The following BPTF variants were observed in gnomAD, a reference collection of about 807,000 sequenced individuals.
The protein encoded by BPTF is bromodomain PHD finger transcription factor.
BPTF carries 18 observed loss-of-function variants against 292.5 expected under a neutral mutation model. The observed-to-expected ratio is 0.06, with a 90% CI of 0.04 to 0.09. BPTF has a LOEUF of 0.09. Among genes scored for constraint, BPTF ranks in the 10% least tolerant of loss-of-function variants. The pLI, the probability that BPTF is intolerant of heterozygous loss-of-function variation, is 1.00. For missense variants in BPTF, 2,726 were observed against 3,498.7 expected (o/e 0.78, Z 5.57); for synonymous variants, 1,225 against 1,251.9 (o/e 0.98, Z 0.45).
At position 67,964,822 on chromosome 17, in the gene BPTF, A is replaced by G. The variant is rs1490672291; in HGVS notation, c.8454+418A>G. The stretch of plus-strand genomic sequence containing the variant: ...AGACCATCCTGGCTAACACGGTGAA[A>G]CCCCGTCTCTACTAAAAATACAAAA... On this transcript the variant is annotated intron_variant, in intron 25 of 27. Coordinates refer to ENST00000306378, the MANE Select transcript of BPTF (RefSeq NM_182641.4). Among the ~76,000 whole-genome samples, 2 of 151,290 alleles carry G rather than the reference A, an allele frequency of 1.3e-5. 1 individual carries two copies. Among genetic ancestry groups the G allele is most frequent in the Non-Finnish European group, 2.9e-5 (2 of 67,868 alleles).
chr17:67,874,789 AT>A (rs767362095), intron 3 of BPTF, 27 bp from the exon 4 acceptor site: 5 of 1,500,906 alleles, frequency 3.3e-6, no homozygotes, highest in South Asian at 1.2e-5. Context: ...TATAGGAATA[AT>A]TTTTTTGTTT....
intron 3 of BPTF, among the ~76,000 whole-genome samples, chr17:67,872,578 C>T (rs184322580): frequency 1.0e-3 from 156 of 151,878 alleles, no homozygotes; most frequent in Admixed American, 3.1e-3. Context: ...TGGTGGTATG[C>T]GCCTATAGTC....
chr17:67,964,095 C>T, intron 24 of BPTF, 117 bp from the exon 25 acceptor site: 1 of 1,020,400 alleles, frequency 9.8e-7, no homozygotes. Flanking sequence ...GTATTAAAAC[C>T]ATAATACTAA....
At chr17:67,851,219 C>T (rs144690580) in intron 1 of BPTF, among the ~76,000 whole-genome samples, 2 of 149,408 alleles carry the variant, frequency 1.3e-5, no homozygotes, top group East Asian at 3.9e-4. Context: ...AAGGGGCCTT[C>T]GTGACTGGGC....
chr17:67,947,848 C>G, intron 22 of BPTF, 40 bp downstream of exon 22: 1 of 1,523,922 alleles, frequency 6.6e-7, no homozygotes. Context: ...TCCGTCTCTT[C>G]TCTTTATCGT....
At chr17:67,952,661 A>G (rs75590500) in intron 23 of BPTF, among the ~76,000 whole-genome samples, 2,392 of 152,274 alleles carry the variant, frequency 0.016, 33 homozygotes, top group Non-Finnish European at 0.027. Flanking sequence ...TAATGTTAGC[A>G]TGGCACATTT....
intron 1 of BPTF, 129 bp from the exon 2 acceptor site, chr17:67,853,811 T>G (rs2046323): frequency 0.23 from 161,895 of 709,616 alleles, 23,599 homozygotes; most frequent in East Asian, 0.67. Context: ...TGCTTCTTCG[T>G]ATTATTTTAA....
chr17:67,904,969 T>TA, intron 9 of BPTF, 129 bp downstream of exon 9: 3 of 666,976 alleles, frequency 4.5e-6, no homozygotes, highest in Non-Finnish European at 4.6e-6. Flanking sequence ...GCAGAATTAC[T>TA]AGTTTAGTTT....
intron 2 of BPTF, among the ~76,000 whole-genome samples, chr17:67,865,364 A>C (rs1370260824): frequency 6.6e-6 from 1 of 152,244 alleles, no homozygotes; most frequent in Non-Finnish European, 1.5e-5. Context: ...TTTAACATTT[A>C]TTGATCACTG....
At chr17:67,914,378 A>G (rs1464763480) in intron 11 of BPTF, among the ~76,000 whole-genome samples, 1 of 152,218 alleles carries the variant, frequency 6.6e-6, no homozygotes, top group Non-Finnish European at 1.5e-5. Flanking sequence ...TCATCACTCC[A>G]TTACACATTC....
At chr17:67,952,054 CAAAA>C (rs56099409) in intron 23 of BPTF, among the ~76,000 whole-genome samples, 3 of 71,386 alleles carry the variant, frequency 4.2e-5, no homozygotes, top group Non-Finnish European at 7.5e-5. Context: ...GACTCTGTCT[CAAAA>C]AAAAAAAAAA....
At chr17:67,836,029 T>A (rs1369617549) in intron 1 of BPTF, among the ~76,000 whole-genome samples, 1 of 152,180 alleles carries the variant, frequency 6.6e-6, no homozygotes, top group Non-Finnish European at 1.5e-5. Context: ...GGATTAGGAT[T>A]CAGAGACTTT....
At chr17:67,945,106 G>A (rs2065700849) in intron 20 of BPTF, among the ~76,000 whole-genome samples, 1 of 152,178 alleles carries the variant, frequency 6.6e-6, no homozygotes, top group Non-Finnish European at 1.5e-5. Flanking sequence ...CACCATTACT[G>A]CTTACTGTAG....
chr17:67,938,045 A>T (rs1366957046), intron 18 of BPTF, among the ~76,000 whole-genome samples: 2 of 152,240 alleles, frequency 1.3e-5, no homozygotes, highest in Non-Finnish European at 2.9e-5. Context: ...CCCAGGAGGC[A>T]GAAGTTGCAG....
rs747299865 is a variant in BPTF, at chr17:67,982,629, C to T, written c.*341C>T. The T allele has an allele frequency of 5.1e-6, 1 of 195,914 alleles. No individual in the cohort carries two copies. Among genetic ancestry groups the T allele is most frequent in the Non-Finnish European group, 1.0e-5 (1 of 96,564 alleles). 12.1% of individuals were successfully genotyped at this position (195,914 alleles called of 1,614,324 possible). Reference sequence around the variant, plus strand: ...ACTCCATGGAAATGCCACGTCTGCTCTTCAGTGAAGAAGCTGGTTTAGAGT... The same window carrying T: ...ACTCCATGGAAATGCCACGTCTGCTTTTCAGTGAAGAAGCTGGTTTAGAGT... On this transcript the variant is annotated 3_prime_UTR_variant, in exon 28 of 28. Coordinates refer to ENST00000306378, the MANE Select transcript of BPTF (RefSeq NM_182641.4).
In BPTF at chr17:67,912,889, G is replaced by A; in HGVS notation, c.5005G>A (p.Gly1669Arg). ...AGTGACAGACTCCCTGACCACCACG[G>A]GAGGCACACTGGTTACATCTATGAC... Reference protein sequence around the residue: ...TTVTDSLTTTGGTLVTSMTVS... With the variant: ...TTVTDSLTTTRGTLVTSMTVS... The change falls in exon 11 of 28, where the codon GGA (glycine) becomes AGA (arginine). Residue 1669 changes from glycine (G) to arginine (R), a missense_variant. Transcript: ENST00000306378. 1 of 1,614,058 alleles carries A rather than the reference G, an allele frequency of 6.2e-7. No homozygotes were observed. Among genetic ancestry groups the A allele is most frequent in the South Asian group, 1.1e-5 (1 of 91,074 alleles).
At chr17:67,899,954 A>G (rs1473914137) in intron 7 of BPTF, among the ~76,000 whole-genome samples, 1 of 152,208 alleles carries the variant, frequency 6.6e-6, no homozygotes, top group African/African-American at 2.4e-5. Context: ...TTGGACACAC[A>G]AGCATCTGAT....
At chr17:67,890,579 C>T (rs904024188) in intron 4 of BPTF, among the ~76,000 whole-genome samples, 2 of 152,144 alleles carry the variant, frequency 1.3e-5, no homozygotes, top group African/African-American at 4.8e-5. Flanking sequence ...TGTCTGGCCA[C>T]GCTGGGTCCT....
intron 18 of BPTF, 45 bp downstream of exon 18, chr17:67,932,064 T>G (rs1384540728): frequency 6.7e-7 from 1 of 1,502,040 alleles, no homozygotes; most frequent in Admixed American, 1.7e-5. Flanking sequence ...CAACAGCCAG[T>G]CTAGGAAATA....
Sources: allele counts gnomAD v4.1 joint callset (sites outside exome capture counted in the v4.1 genomes callset), GRCh38; gene constraint gnomAD v4.1.1; transcripts MANE v1.5; gene names NCBI Gene and HGNC (gene_info 2026-07-23, HGNC 2026-07-21).